The following CCDC12 variants were observed in gnomAD, a reference collection of about 807,000 sequenced individuals.
CCDC12 encodes coiled-coil domain containing 12, also known as coiled-coil domain-containing protein 12.
CCDC12 carries 28 observed loss-of-function variants against 25.7 expected under a neutral mutation model. The ratio of observed to expected loss-of-function variants is 1.09; its 90% CI spans 0.81 to 1.50. CCDC12 has a LOEUF of 1.50. Ranked by LOEUF, CCDC12 falls within the 40% of genes most tolerant of loss-of-function variation. CCDC12 has a pLI of 0.00. For missense variants in CCDC12, 198 were observed against 210.0 expected (o/e 0.94, Z 0.35); for synonymous variants, 75 against 87.7 (o/e 0.86, Z 0.81).
rs2032689433 is a variant in CCDC12 at position 46,921,777 on chromosome 3, G to C, written c.*280C>G. ...GTTTCTATTTCCAGATTTTTTTTTA[G>C]AAAGTTCAAAATATATACATATATA... On this transcript the variant is annotated 3_prime_UTR_variant, in exon 7 of 7. Coordinates refer to ENST00000683445, the MANE Select transcript of CCDC12 (RefSeq NM_001277074.2). The C allele has an allele frequency of 2.4e-6, 1 of 418,286 alleles. No homozygotes were observed. Among genetic ancestry groups the C allele is most frequent in the Admixed American group, 4.1e-5 (1 of 24,288 alleles). The allele number at this position is 418,286 out of a possible 1,614,324, so 25.9% of individuals were successfully genotyped here. A position where few individuals can be genotyped will look rare whatever the true frequency, so the allele number is the denominator to read the frequency against.
At chr3:46,969,945 C>T (rs9637426) in intron 1 of CCDC12, among the ~76,000 whole-genome samples, 140,258 of 149,666 alleles carry the variant, frequency 0.94, 66,467 homozygotes, top group East Asian at 1. Context: ...CACTGTTGCC[C>T]GGGCTGGGGT....
chr3:46,922,736 G>C, intron 5 of CCDC12: 1 of 259,102 alleles, frequency 3.9e-6, no homozygotes, highest in Non-Finnish European at 7.5e-6. Context: ...CTCTGGCTCT[G>C]GGTTTCCCAG....
chr3:46,981,732 TG>T (rs1425401517), upstream of CCDC12, among the ~76,000 whole-genome samples: 3 of 152,066 alleles, frequency 2.0e-5, no homozygotes, highest in East Asian at 5.8e-4. Flanking sequence ...CTGGTGAGTG[TG>T]AGGGATGTTA....
intron 4 of CCDC12, 81 bp downstream of exon 4, chr3:46,923,526 G>T (rs759203372): frequency 6.7e-7 from 1 of 1,487,178 alleles, no homozygotes; most frequent in Non-Finnish European, 9.3e-7. Flanking sequence ...AGAAGGAATG[G>T]GGGGCAGAGG....
rs7646089 is a variant in CCDC12 at position 46,927,568 on chromosome 3, G to A, written c.165-2033C>T. On this transcript the variant is annotated intron_variant, in intron 2 of 6. Coordinates refer to ENST00000683445, the MANE Select transcript of CCDC12 (RefSeq NM_001277074.2). ...GAGGAGTGAACCAGAAGCAAGAGGCGGGAGCAGAGCCTTGCGCCCACTGTG... is the reference window on the plus strand; with the variant it reads ...GAGGAGTGAACCAGAAGCAAGAGGCAGGAGCAGAGCCTTGCGCCCACTGTG... 5.7e-3 allele frequency among the ~76,000 whole-genome samples: 872 copies of A among 152,214 alleles called. 11 individuals carry two copies. Among genetic ancestry groups the A allele is most frequent in the African/African-American group, 0.02 (845 of 41,506 alleles).
At chr3:46,958,288 T>A (rs1485064053) in intron 1 of CCDC12, among the ~76,000 whole-genome samples, 1 of 152,214 alleles carries the variant, frequency 6.6e-6, no homozygotes, top group Middle Eastern at 3.2e-3. Context: ...CCCATTATAT[T>A]AAGTAAACTT....
chr3:46,936,227 G>C (rs2033435852), intron 2 of CCDC12, among the ~76,000 whole-genome samples: 1 of 152,220 alleles, frequency 6.6e-6, no homozygotes, highest in Admixed American at 6.5e-5. Context: ...AAATAAGCGA[G>C]GCTCTACAAA....
chr3:46,924,642 G>A (rs1156553413), intron 3 of CCDC12, among the ~76,000 whole-genome samples: 1 of 152,162 alleles, frequency 6.6e-6, no homozygotes, highest in African/African-American at 2.4e-5. Flanking sequence ...GTCAGGAGGA[G>A]TTCAAGACCA....
intron 4 of CCDC12, 90 bp from the exon 5 acceptor site, chr3:46,923,453 G>C (rs2032786969): frequency 2.6e-6 from 4 of 1,536,282 alleles, no homozygotes; most frequent in Non-Finnish European, 3.6e-6. Flanking sequence ...ATGGGAGAAA[G>C]AGGAGGAGGA....
At chr3:46,948,938 ATGCT>A (rs2034010966) in intron 1 of CCDC12, among the ~76,000 whole-genome samples, 2 of 1,272 alleles carry the variant, frequency 1.6e-3, no homozygotes, top group African/African-American at 1.7e-3. Context: ...GTGGTACTCC[ATGCT>A]GTACTCAGAT....
chr3:46,954,555 T>C (rs2034228456), intron 1 of CCDC12, among the ~76,000 whole-genome samples: 1 of 152,220 alleles, frequency 6.6e-6, no homozygotes, highest in Admixed American at 6.5e-5. Flanking sequence ...ATAGCATCTA[T>C]GTGACCTTTC....
intron 1 of CCDC12, among the ~76,000 whole-genome samples, chr3:46,946,079 T>C (rs1270224771): frequency 6.6e-6 from 1 of 152,188 alleles, no homozygotes; most frequent in Non-Finnish European, 1.5e-5. Context: ...GTACCACTGC[T>C]AGAAGCAGGT....
intron 2 of CCDC12, among the ~76,000 whole-genome samples, chr3:46,939,423 C>G (rs1013973267): frequency 3.3e-5 from 5 of 152,062 alleles, no homozygotes; most frequent in East Asian, 3.9e-4. Flanking sequence ...GGAACTCAGG[C>G]TCCAGCCAGA....
rs2033697503 is a variant in CCDC12, at chr3:46,941,370, G to A, written c.97-305C>T. 2.6e-5 allele frequency among the ~76,000 whole-genome samples: 4 copies of A among 152,124 alleles called. No homozygotes were observed. In the South Asian group the frequency reaches 8.3e-4, roughly 31 times the overall value. ...GAGGTCAGGAGATCGCAACCATCCTGGCTAACACGGCGAAACCCCATCTCT... is the reference window on the plus strand; with the variant it reads ...GAGGTCAGGAGATCGCAACCATCCTAGCTAACACGGCGAAACCCCATCTCT... On this transcript the variant is annotated intron_variant, in intron 1 of 6. Transcript: ENST00000683445.
chr3:46,973,613 C>CTTT (rs758663577), intron 1 of CCDC12, among the ~76,000 whole-genome samples: 1 of 97,952 alleles, frequency 1.0e-5, no homozygotes, highest in African/African-American at 3.7e-5. Context: ...TTCTTCTTTT[C>CTTT]TTTTTTTTTT....
chr3:46,933,678 C>T (rs972192034), intron 2 of CCDC12, among the ~76,000 whole-genome samples: 49 of 152,216 alleles, frequency 3.2e-4, no homozygotes, highest in African/African-American at 1.1e-3. Flanking sequence ...GTACTTAAGG[C>T]GTTAGAAAAA....
chr3:46,958,566 G>A (rs1276369069), intron 1 of CCDC12, among the ~76,000 whole-genome samples: 3 of 152,222 alleles, frequency 2.0e-5, no homozygotes, highest in Admixed American at 6.5e-5. Context: ...TAAGCAGCCC[G>A]ACCCTCGGTT....
intron 1 of CCDC12, among the ~76,000 whole-genome samples, chr3:46,947,394 G>A (rs778365038): frequency 4.6e-5 from 7 of 152,220 alleles, no homozygotes; most frequent in Non-Finnish European, 7.4e-5. Context: ...ACTTCCTGTC[G>A]GGTGCTGCCG....
intron 1 of CCDC12, among the ~76,000 whole-genome samples, chr3:46,965,227 G>C: frequency 6.6e-6 from 1 of 152,204 alleles, no homozygotes; most frequent in East Asian, 1.9e-4. Flanking sequence ...AAACCAGCTT[G>C]AATTTCAACA....
Sources: gnomAD v4.1 joint callset for allele counts (sites outside exome capture counted in the v4.1 genomes callset) on GRCh38, gnomAD v4.1.1 for gene constraint, MANE v1.5 for transcripts, NCBI Gene and HGNC (gene_info 2026-07-23, HGNC 2026-07-21) for gene names.